The following NPHS1 variants were observed in gnomAD, a reference collection of about 807,000 sequenced individuals.
NPHS1 encodes the protein nephrin.
Under a neutral mutation model 139.7 loss-of-function variants are expected in NPHS1, and 107 were observed. That is an observed-to-expected ratio of 0.77 (90% CI 0.66 to 0.90). The LOEUF (loss-of-function observed/expected upper bound fraction) is 0.90. Ranked by LOEUF, NPHS1 falls within the 40% of genes least tolerant of loss-of-function variation. The probability of loss-of-function intolerance (pLI) is 0.00; values close to 1 mark genes in which losing one functional copy is unlikely to be tolerated. For missense variants in NPHS1, 1,580 were observed against 1,654.2 expected, an observed-to-expected ratio of 0.96 and a Z score of 0.78; for synonymous variants, 707 against 706.6, an observed-to-expected ratio of 1.00 and a Z score of -0.01.
Position 35,826,543 on chromosome 19 carries a change from G to T in NPHS1, c.3697C>A (p.Pro1233Thr). ...ACCAGATGTCCCCTCAGCTCGAAGG[G>T]CAGAGAATCGGGTTCCAGAGTGTCC... is the stretch of plus-strand genomic sequence containing the variant. ...DLDTLEPDSLPFELRGHLV is the reference protein window; with the variant it reads ...DLDTLEPDSLTFELRGHLV Residue 1233 changes from proline to threonine, a missense_variant, in exon 29 of 29, where the codon CCC (proline) becomes ACC (threonine). Pro to Thr is a conservative substitution (Grantham distance 38). Transcript: ENST00000378910. The T allele has an allele frequency of 6.2e-7, 1 of 1,613,938 alleles. No homozygotes were observed. The highest frequency in any genetic ancestry group is 1.1e-5 in the South Asian group (1 of 91,078).
chr19:35,830,254 G>A (rs1972858235), intron 28 of NPHS1, among the ~76,000 whole-genome samples: 1 of 152,258 alleles, frequency 6.6e-6, no homozygotes, highest in Admixed American at 6.5e-5. Flanking sequence ...GCAGAGTGGT[G>A]TGCACCATTT....
chr19:35,836,919 C>A (rs1161809464), intron 22 of NPHS1, among the ~76,000 whole-genome samples: 1 of 150,074 alleles, frequency 6.7e-6, no homozygotes, highest in Non-Finnish European at 1.5e-5. Flanking sequence ...TTGCTTGAAC[C>A]TGGGAGGCAG....
intron 20 of NPHS1, 29 bp downstream of exon 20, chr19:35,841,686 T>C (rs1599841291): frequency 6.2e-7 from 1 of 1,613,652 alleles, no homozygotes. Flanking sequence ...GAGCACCCCC[T>C]CCCCAACACC....
chr19:35,850,839 G>T (rs919415900), intron 4 of NPHS1, 122 bp downstream of exon 4: 1 of 1,297,648 alleles, frequency 7.7e-7, no homozygotes, highest in Non-Finnish European at 1.1e-6. Context: ...CTTCTCCTGG[G>T]TCCCCATCCC....
In NPHS1 at chr19:35,845,616, C is replaced by A. The variant is rs1973127918; in HGVS notation, c.1757+53G>T. 3.1e-6 allele frequency: 5 copies of A among 1,606,728 alleles called. No individual in the cohort carries two copies. The South Asian group carries it at 4.4e-5, about 14-fold the overall frequency. On this transcript the variant is annotated intron_variant, in intron 13 of 28. Coordinates refer to ENST00000378910, the MANE Select transcript of NPHS1 (RefSeq NM_004646.4). The surrounding 1 kb of genome is among the most constrained non-coding windows in gnomAD (Gnocchi z 5.5). The stretch of plus-strand genomic sequence containing the variant: ...AGGCACTAGGCGGGGGCGGGACATG[C>A]GTGGAGGGGGCGAGGCCAGACCAGA...
intron 11 of NPHS1, among the ~76,000 whole-genome samples, chr19:35,846,650 A>AT (rs1037646951): frequency 5.3e-5 from 8 of 152,158 alleles, no homozygotes; most frequent in Admixed American, 5.2e-4. Flanking sequence ...ATTTTCCTTA[A>AT]TTCCAGTGTC....
At position 35,842,264 on chromosome 19, in the gene NPHS1, C is replaced by T. The variant is rs1215088730; in HGVS notation, c.2523G>A (p.Glu841=). 8 of 1,612,784 alleles carry T rather than the reference C, an allele frequency of 5.0e-6. No homozygotes were observed. In the Admixed American group the frequency reaches 1.3e-4, roughly 27 times the overall value. The change falls in exon 19 of 29, where the codon GAG becomes GAA. Residue 841 remains glutamate, a synonymous_variant. Transcript: ENST00000378910. The part of the protein sequence containing the change: ...RLVVRFAPQV[E]HPTPLTKVAA... ...CCACCTTAGTTAGGGGAGTGGGGTG[C>T]TCCACCTGGGGGGCAACTGGGAGGG...
At chr19:35,848,463 G>A (rs1568455772) in intron 9 of NPHS1, 66 bp from the exon 10 acceptor site, 12 of 1,608,120 alleles carry the variant, frequency 7.5e-6, no homozygotes, top group East Asian at 4.5e-5. Flanking sequence ...AGAGGCCTGA[G>A]TCCATCCCAG....
rs116459838 is a variant in NPHS1, at chr19:35,848,697, A to G, written c.1110T>C (p.Val370=). The G allele has an allele frequency of 8.2e-4, 1,325 of 1,614,140 alleles. 7 individuals are homozygous for G. In the African/African-American group the frequency reaches 0.014, roughly 17 times the overall value. The change falls in exon 9 of 29, where the codon GTT becomes GTC. Residue 370 remains valine, a synonymous_variant. Transcript: ENST00000378910. ...GCCAGCCCAGCCACCATCGTAGCAG[A>G]ACCCGCGGGCGACTGGACTTGCTGA... ...SCVSKSSRPR[V]LLRWWLGWRQ... is the part of the protein sequence containing the mutation.
chr19:35,829,847 T>C (rs1972851852), intron 28 of NPHS1, among the ~76,000 whole-genome samples: 1 of 152,052 alleles, frequency 6.6e-6, no homozygotes, highest in South Asian at 2.1e-4. Context: ...CTTAACTTTT[T>C]TTTTTTTAAA....
intron 4 of NPHS1, 41 bp downstream of exon 4, chr19:35,850,920 G>A: frequency 6.2e-7 from 1 of 1,611,922 alleles, no homozygotes; most frequent in Non-Finnish European, 8.5e-7. Flanking sequence ...CACTCCAGAG[G>A]CTTCATGCTG....
At chr19:35,846,292 A>C in intron 11 of NPHS1, 98 bp from the exon 12 acceptor site, 1 of 1,290,358 alleles carries the variant, frequency 7.7e-7, no homozygotes, top group East Asian at 2.5e-5. Flanking sequence ...CCGCCAGCCC[A>C]AACAAAGCCT....
At position 35,851,978 on chromosome 19, in the gene NPHS1, GT is replaced by G; in HGVS notation, c.-142del. 2.8e-6 allele frequency: 2 copies of G among 723,974 alleles called. No individual in the cohort carries two copies. Among genetic ancestry groups the G allele is most frequent in the Non-Finnish European group, 4.9e-6 (2 of 410,722 alleles). The allele number at this position is 723,974 out of a possible 1,614,324, so 44.8% of individuals were successfully genotyped here. Reference sequence around the variant, plus strand: ...TTTCCGTTACTCTCCTCCCTTTCTCGTTTTCCTCTTCCCCTCTTCCCTGTGA... The same window carrying G: ...TTTCCGTTACTCTCCTCCCTTTCTCGTTTCCTCTTCCCCTCTTCCCTGTGA... On this transcript the variant is annotated 5_prime_UTR_variant, in exon 1 of 29. Transcript: ENST00000378910.
chr19:35,846,300 C>G (rs991138678), intron 11 of NPHS1, 106 bp from the exon 12 acceptor site: 2 of 1,222,768 alleles, frequency 1.6e-6, no homozygotes, highest in Non-Finnish European at 2.3e-6. Flanking sequence ...CCAAACAAAG[C>G]CTTTTTCTGA....
intron 14 of NPHS1, among the ~76,000 whole-genome samples, chr19:35,844,857 G>T (rs1396598582): frequency 6.6e-6 from 1 of 152,156 alleles, no homozygotes; most frequent in East Asian, 1.9e-4. Flanking sequence ...AGGTGCAGTG[G>T]CTCACGCCTA....
chr19:35,840,689 A>ATT (rs533775109), intron 20 of NPHS1, among the ~76,000 whole-genome samples: 6,617 of 116,884 alleles, frequency 0.057, 688 homozygotes, highest in African/African-American at 0.2. Flanking sequence ...TCAATACATG[A>ATT]TTTTTTTTTT....
Position 35,843,529 on chromosome 19 carries a change from T to C in NPHS1, c.2277A>G (p.Ile759Met). 1 of 1,614,088 alleles carries C rather than the reference T, an allele frequency of 6.2e-7. No homozygotes were observed. ...TGGGATTGGCATCGACAGTGCAGAC[T>C]ATGTCCACAGAACCCCCGACGTTCA... ...TEVNVGGSVD[I>M]VCTVDANPIL... The change falls in exon 17 of 29, where the codon ATA becomes ATG. Residue 759 changes from isoleucine (I) to methionine (M), a missense_variant. Coordinates refer to ENST00000378910, the MANE Select transcript of NPHS1 (RefSeq NM_004646.4).
At chr19:35,847,260 T>C (rs1046436758) in intron 11 of NPHS1, among the ~76,000 whole-genome samples, 4 of 151,068 alleles carry the variant, frequency 2.6e-5, no homozygotes, top group Admixed American at 6.6e-5. Context: ...TTAGCCAGGA[T>C]GGTCTCGATC....
rs1166583162 is a variant in NPHS1 at position 35,839,435 on chromosome 19, T to C, written c.2928-17A>G. 6.2e-7 allele frequency: 1 copy of C among 1,613,684 alleles called. No homozygotes were observed. Among genetic ancestry groups the C allele is most frequent in the Non-Finnish European group, 8.5e-7 (1 of 1,179,832 alleles). On this transcript the variant is annotated splice_polypyrimidine_tract_variant and intron_variant, in intron 21 of 28. Transcript: ENST00000378910. ...GCCTCATACCTGCAGGACAGGGGGA[T>C]AGTAAATTCAGGGAAGTGCCCTAGC... is the stretch of plus-strand genomic sequence containing the variant.
Sources: allele counts gnomAD v4.1 joint callset (sites outside exome capture counted in the v4.1 genomes callset), GRCh38; gene constraint gnomAD v4.1.1; non-coding constraint Gnocchi (gnomAD v3.1); transcripts MANE v1.5; gene names NCBI Gene and HGNC (gene_info 2026-07-23, HGNC 2026-07-21).